ST7L: variants seen among roughly 807,000 people sequenced by gnomAD.
ST7L encodes the protein suppression of tumorigenicity 7 like.
A neutral mutation model predicts 72.5 loss-of-function variants in ST7L; 57 were observed. The observed-to-expected ratio is 0.79, with a 90% CI of 0.64 to 0.98. The LOEUF (loss-of-function observed/expected upper bound fraction) is 0.98. ST7L is among the 50% of genes least tolerant of loss of function. The pLI is 0.00. For missense variants in ST7L, 576 were observed against 672.2 expected, an observed-to-expected ratio of 0.86 and a Z score of 1.58; for synonymous variants, 221 against 240.9, an observed-to-expected ratio of 0.92 and a Z score of 0.77.
intron 3 of ST7L, among the ~76,000 whole-genome samples, chr1:112,606,201 T>C (rs1668212356): frequency 6.6e-6 from 1 of 152,240 alleles, no homozygotes; most frequent in South Asian, 2.1e-4. Context: ...TCATGTATTT[T>C]ATAAAATGGA....
chr1:112,615,497 C>T (rs1669730441), intron 2 of ST7L, among the ~76,000 whole-genome samples: 1 of 152,144 alleles, frequency 6.6e-6, no homozygotes, highest in African/African-American at 2.4e-5. Context: ...AAATTTTAGT[C>T]TTCCCAATGT....
intron 11 of ST7L, among the ~76,000 whole-genome samples, chr1:112,573,281 G>T (rs1662459860): frequency 6.7e-6 from 1 of 149,858 alleles, no homozygotes. Flanking sequence ...CCGGGAGGTG[G>T]AGGTTGCAGT....
At chr1:112,604,943 T>G (rs1056148460) in intron 3 of ST7L, among the ~76,000 whole-genome samples, 1 of 141,888 alleles carries the variant, frequency 7.0e-6, no homozygotes, top group African/African-American at 2.7e-5. Flanking sequence ...AAAAAATAGC[T>G]GGGCGTGGTG....
rs1664258409 is a variant in ST7L, at chr1:112,582,387, T to C, written c.942A>G (p.Lys314=). 1 of 1,604,128 alleles carries C rather than the reference T, an allele frequency of 6.2e-7. No homozygotes were observed. The highest frequency in any genetic ancestry group is 1.7e-5 in the Admixed American group (1 of 59,888). Residue 314 remains lysine, a synonymous_variant, in exon 8 of 15, where the codon AAA becomes AAG. Transcript: ENST00000358039. ...RKLGRIREAV[K]IMRDLMKEFP... is the part of the protein sequence containing the mutation. ...TCAATTTACTTACATCTCTCATTAT[T>C]TTTACTGCTTCTCTTATTCTTCCTA...
intron 14 of ST7L, 131 bp downstream of exon 14, chr1:112,541,820 A>G (rs1656146687): frequency 2.1e-6 from 3 of 1,443,962 alleles, no homozygotes; most frequent in Non-Finnish European, 2.7e-6. Context: ...GGCAGCAACT[A>G]TATACAAATC....
chr1:112,574,591 A>G (rs12406530), intron 11 of ST7L, among the ~76,000 whole-genome samples: 30,500 of 150,872 alleles, frequency 0.2, 3,727 homozygotes, highest in East Asian at 0.46. Flanking sequence ...CCCGGGAGGC[A>G]GAGCTTGCAG....
chr1:112,556,095 A>G, intron 11 of ST7L, 77 bp from the exon 12 acceptor site: 2 of 1,125,116 alleles, frequency 1.8e-6, no homozygotes, highest in Non-Finnish European at 2.3e-6. Context: ...TCAAACACCC[A>G]CAAAAATGTA....
chr1:112,572,085 T>C (rs1662233820), intron 11 of ST7L, among the ~76,000 whole-genome samples: 1 of 152,208 alleles, frequency 6.6e-6, no homozygotes, highest in African/African-American at 2.4e-5. Context: ...GGTGACTAGG[T>C]ACATTGTCAA....
intron 11 of ST7L, among the ~76,000 whole-genome samples, chr1:112,574,337 C>T (rs560187360): frequency 4.0e-5 from 6 of 151,142 alleles, no homozygotes; most frequent in African/African-American, 9.7e-5. Context: ...CTGCCTCAGC[C>T]TCTCGAATAG....
intron 11 of ST7L, among the ~76,000 whole-genome samples, chr1:112,571,637 G>A (rs1337431933): frequency 6.6e-6 from 1 of 152,088 alleles, no homozygotes; most frequent in Non-Finnish European, 1.5e-5. Context: ...TGTTGGTCAG[G>A]CTGGTCTCGA....
chr1:112,573,344 C>T (rs553396052), intron 11 of ST7L, among the ~76,000 whole-genome samples: 1 of 126,454 alleles, frequency 7.9e-6, no homozygotes, highest in South Asian at 2.5e-4. Flanking sequence ...GCAAAACTCC[C>T]TCTCAAAAAA....
intron 2 of ST7L, among the ~76,000 whole-genome samples, chr1:112,614,371 C>T (rs760845776): frequency 2.0e-5 from 3 of 152,142 alleles, no homozygotes; most frequent in Admixed American, 6.5e-5. Flanking sequence ...TGTAAGCCAC[C>T]GTGCCTGGCT....
At chr1:112,610,734 C>A in intron 3 of ST7L, 107 bp downstream of exon 3, 1 of 1,363,158 alleles carries the variant, frequency 7.3e-7, no homozygotes, top group Non-Finnish European at 1.0e-6. Flanking sequence ...TTGGGGGAAA[C>A]ACAAACATGC....
chr1:112,538,447 A>T (rs922004113), intron 14 of ST7L, among the ~76,000 whole-genome samples: 1 of 152,046 alleles, frequency 6.6e-6, no homozygotes, highest in Non-Finnish European at 1.5e-5. Flanking sequence ...GGCTCAAGCG[A>T]TCCTCCCATT....
At chr1:112,618,757 T>C (rs1413448162) in intron 1 of ST7L, 152 bp downstream of exon 1, 3 of 1,421,074 alleles carry the variant, frequency 2.1e-6, no homozygotes, top group Non-Finnish European at 2.8e-6. Flanking sequence ...AACTGCAAGG[T>C]TGCAGCCCAA....
chr1:112,605,361 C>T (rs1201270793), intron 3 of ST7L, among the ~76,000 whole-genome samples: 1 of 151,618 alleles, frequency 6.6e-6, no homozygotes, highest in East Asian at 1.9e-4. Flanking sequence ...CTCCTGCACT[C>T]CAGCCTGGGC....
At chr1:112,591,252 AC>A (rs1418425591) in intron 6 of ST7L, among the ~76,000 whole-genome samples, 8 of 152,174 alleles carry the variant, frequency 5.3e-5, no homozygotes, top group Middle Eastern at 6.8e-3. Flanking sequence ...TACCCTTTTA[AC>A]TATAAAGTAT....
chr1:112,560,267 G>A (rs1023614447), intron 11 of ST7L, among the ~76,000 whole-genome samples: 7 of 151,782 alleles, frequency 4.6e-5, no homozygotes, highest in East Asian at 1.9e-4. Flanking sequence ...GGTGGCGGGC[G>A]CCTGTAGTCC....
Position 112,582,054 on chromosome 1 carries a change from A to C in ST7L, c.1007T>G (p.Leu336Ter). 6.2e-7 allele frequency: 1 copy of C among 1,613,618 alleles called. No individual in the cohort carries two copies. The highest frequency in any genetic ancestry group is 1.1e-5 in the South Asian group (1 of 91,052). ...GGCCTGTAATTCTAAAAGTGATTCT[A>C]AGAGATTTTCATGGATGTTCAACAT... ...LTMLNIHENL[L>*]ESLLELQAYP... Residue 336 changes from leucine to a stop codon, truncating the protein, a stop_gained, in exon 9 of 15, where the codon TTA (leucine) becomes TGA (stop). Transcript: ENST00000358039. LOFTEE classifies it high-confidence loss of function.
Sources: allele counts gnomAD v4.1 joint callset (sites outside exome capture counted in the v4.1 genomes callset), GRCh38; gene constraint gnomAD v4.1.1; transcripts MANE v1.5; gene names NCBI Gene and HGNC (gene_info 2026-07-23, HGNC 2026-07-21).